Variants in TBCE observed in about 807,000 individuals in gnomAD.
TBCE encodes tubulin folding cofactor E, also known as tubulin-specific chaperone E.
Under a neutral mutation model 77.0 loss-of-function variants are expected in TBCE, and 53 were observed. That is an observed-to-expected ratio of 0.69 (90% confidence interval 0.55 to 0.87). The LOEUF (loss-of-function observed/expected upper bound fraction) is 0.87, where lower values mean the gene tolerates loss of function less well. Among genes scored for constraint, TBCE ranks in the 40% least tolerant of loss-of-function variants. The probability of loss-of-function intolerance (pLI) is 0.00; values close to 1 mark genes in which losing one functional copy is unlikely to be tolerated. For missense variants in TBCE, 624 were observed against 622.4 expected, an observed-to-expected ratio of 1.00 and a Z score of -0.03; for synonymous variants, 235 against 241.3, an observed-to-expected ratio of 0.97 and a Z score of 0.24.
intron 1 of TBCE, among the ~76,000 whole-genome samples, chr1:235,372,386 C>G (rs1490639359): frequency 6.6e-6 from 1 of 152,078 alleles, no homozygotes; most frequent in Admixed American, 6.5e-5. Context: ...ACATATTTAT[C>G]TATCTTAAGA....
intron 5 of TBCE, among the ~76,000 whole-genome samples, chr1:235,426,562 A>G (rs1680724751): frequency 6.6e-6 from 1 of 152,068 alleles, no homozygotes; most frequent in Non-Finnish European, 1.5e-5. Context: ...TAGTGCTAGG[A>G]TGGTTTAGCG....
Position 235,450,987 on chromosome 1 carries a change from T to C in TBCE, c.*2225T>C, listed in dbSNP as rs1682863519. 6.6e-6 allele frequency: 1 copy of C among 152,178 alleles called. No individual in the cohort carries two copies. Among genetic ancestry groups the C allele is most frequent in the African/African-American group, 2.4e-5 (1 of 41,436 alleles). 9.4% of individuals were successfully genotyped at this position (152,178 alleles called of 1,614,324 possible). On this transcript the variant is annotated 3_prime_UTR_variant, in exon 17 of 17. Coordinates refer to ENST00000642610, the MANE Select transcript of TBCE (RefSeq NM_003193.5). ...ATTCAATGTTTTGACAACACAAAAA[T>C]GTTGGATAAAATTAAAAACCTTTAT...
chr1:235,378,513 C>T (rs750744569), intron 1 of TBCE, among the ~76,000 whole-genome samples: 5 of 152,116 alleles, frequency 3.3e-5, no homozygotes, highest in Admixed American at 6.6e-5. Flanking sequence ...CATGAGCAAC[C>T]GTGCCCAGCC....
chr1:235,413,363 T>TAA (rs869060658), intron 3 of TBCE, among the ~76,000 whole-genome samples: 26 of 138,440 alleles, frequency 1.9e-4, no homozygotes, highest in Non-Finnish European at 2.4e-4. Flanking sequence ...CCCCTTTCTT[T>TAA]AAAAAAAAAA....
At chr1:235,439,927 G>A (rs1224869841) in intron 13 of TBCE, among the ~76,000 whole-genome samples, 1 of 151,992 alleles carries the variant, frequency 6.6e-6, no homozygotes, top group Non-Finnish European at 1.5e-5. Context: ...TCAGCTTCCA[G>A]AGTAGCTGGG....
chr1:235,387,677 A>G (rs1678110367), intron 2 of TBCE, among the ~76,000 whole-genome samples: 1 of 152,088 alleles, frequency 6.6e-6, no homozygotes, highest in Non-Finnish European at 1.5e-5. Context: ...GGTGGGAGTG[A>G]CCCGATTTTC....
At chr1:235,414,054 C>T in intron 3 of TBCE, 2 of 279,478 alleles carry the variant, frequency 7.2e-6, no homozygotes, top group South Asian at 6.9e-5. Flanking sequence ...GGGGGTTTCG[C>T]CATGTTGGCC....
chr1:235,443,088 C>T (rs1316253100), intron 15 of TBCE, 177 bp downstream of exon 15: 2 of 649,762 alleles, frequency 3.1e-6, no homozygotes, highest in Non-Finnish European at 2.6e-6. Context: ...CTCCCCCATG[C>T]CCCCAAAAGT....
chr1:235,382,015 C>T (rs1043888090), intron 2 of TBCE, among the ~76,000 whole-genome samples: 1 of 138,024 alleles, frequency 7.2e-6, no homozygotes, highest in Non-Finnish European at 1.5e-5. Flanking sequence ...CTTCCTGTGT[C>T]CATGTGTTCT....
intron 3 of TBCE, chr1:235,414,103 G>A: frequency 3.0e-6 from 1 of 329,320 alleles, no homozygotes; most frequent in Non-Finnish European, 5.8e-6. Flanking sequence ...TGGTCCTCCT[G>A]CCTTGGCCTC....
intron 2 of TBCE, among the ~76,000 whole-genome samples, chr1:235,396,759 G>A (rs1678746851): frequency 6.6e-6 from 1 of 152,058 alleles, no homozygotes; most frequent in Non-Finnish European, 1.5e-5. Context: ...TCATGTACCT[G>A]CTTGCCATTT....
At chr1:235,411,343 C>G (rs763763180) in intron 3 of TBCE, among the ~76,000 whole-genome samples, 1 of 152,196 alleles carries the variant, frequency 6.6e-6, no homozygotes, top group Non-Finnish European at 1.5e-5. Context: ...GGAACACACA[C>G]CATTCCAGTT....
intron 1 of TBCE, among the ~76,000 whole-genome samples, chr1:235,377,656 C>CTTT (rs11449267): frequency 2.1e-5 from 3 of 145,628 alleles, no homozygotes; most frequent in Non-Finnish European, 4.5e-5. Context: ...TCTACCTATT[C>CTTT]TTTTTTTTTT....
intron 5 of TBCE, among the ~76,000 whole-genome samples, chr1:235,421,424 G>A (rs1384685621): frequency 1.3e-5 from 2 of 152,030 alleles, no homozygotes; most frequent in Non-Finnish European, 2.9e-5. Context: ...ATTTCCCATG[G>A]AGGCTGGGCG....
At chr1:235,442,822 A>C (rs1681985817) in intron 14 of TBCE, 30 bp from the exon 15 acceptor site, 1 of 1,603,324 alleles carries the variant, frequency 6.2e-7, no homozygotes, top group African/African-American at 1.3e-5. Flanking sequence ...AGTAGATATC[A>C]ATTAGTCTTT....
chr1:235,448,912 A>C lies in TBCE; in HGVS notation c.*150A>C, dbSNP rs564895195. 1.5e-6 allele frequency: 1 copy of C among 676,064 alleles called. No individual in the cohort carries two copies. The highest frequency in any genetic ancestry group is 2.7e-6 in the Non-Finnish European group (1 of 374,444). 41.9% of individuals were successfully genotyped at this position (676,064 alleles called of 1,614,324 possible). A position where few individuals can be genotyped will look rare whatever the true frequency, so the allele number is the denominator to read the frequency against. Reference sequence around the variant, plus strand: ...ACAAGGGATGTATTTTTTGTTGGGAAGTGACCATTTCTAGGCTTATACATA... The same window carrying C: ...ACAAGGGATGTATTTTTTGTTGGGACGTGACCATTTCTAGGCTTATACATA... On this transcript the variant is annotated 3_prime_UTR_variant, in exon 17 of 17. Transcript: ENST00000642610.
intron 13 of TBCE, 133 bp downstream of exon 13, chr1:235,439,055 G>A: frequency 2.3e-6 from 3 of 1,299,780 alleles, no homozygotes; most frequent in Non-Finnish European, 2.2e-6. Context: ...GTATTCATCT[G>A]AATGGACTAT....
intron 7 of TBCE, chr1:235,433,924 A>G (rs1681252538): frequency 2.0e-6 from 1 of 504,964 alleles, no homozygotes; most frequent in Non-Finnish European, 3.6e-6. Context: ...CTCCTGTTCC[A>G]CCTCGTAGCT....
chr1:235,436,386 G>T lies in TBCE; in HGVS notation c.834G>T (p.Arg278Ser). The change falls in exon 10 of 17, where the codon AGG (arginine) becomes AGT (serine). Residue 278 changes from arginine (R) to serine (S), a missense_variant and splice_region_variant. Physicochemically the swap from Arg to Ser is moderately radical, Grantham distance 110. Coordinates refer to ENST00000642610, the MANE Select transcript of TBCE (RefSeq NM_003193.5). ...NQLYLIAHLPRLEQLILSDTG... is the reference protein window; with the variant it reads ...NQLYLIAHLPSLEQLILSDTG... ...TCAAATTGTACATTTTGAATTTCAGGTTAGAACAATTAATCCTCTCTGACA... is the reference window on the plus strand; with the variant it reads ...TCAAATTGTACATTTTGAATTTCAGTTTAGAACAATTAATCCTCTCTGACA... 1.9e-6 allele frequency: 3 copies of T among 1,613,148 alleles called. No individual in the cohort carries two copies. The highest frequency in any genetic ancestry group is 1.7e-6 in the Non-Finnish European group (2 of 1,179,238).
Sources: gnomAD v4.1 joint callset for allele counts (sites outside exome capture counted in the v4.1 genomes callset) on GRCh38, gnomAD v4.1.1 for gene constraint, MANE v1.5 for transcripts, NCBI Gene and HGNC (gene_info 2026-07-23, HGNC 2026-07-21) for gene names.